The following GLRA1 variants were observed in gnomAD, a reference collection of about 807,000 sequenced individuals.
GLRA1 encodes the protein glycine receptor alpha 1, also known as glycine receptor subunit alpha-1.
In GLRA1, 37 loss-of-function variants were observed where a neutral mutation model predicts 48.3. That is an observed-to-expected ratio of 0.77 (90% CI 0.59 to 1.01). GLRA1 has a LOEUF of 1.01. GLRA1 is among the 50% of genes least tolerant of loss of function. The probability of loss-of-function intolerance (pLI) is 0.00; values close to 1 mark genes in which losing one functional copy is unlikely to be tolerated. For synonymous variants in GLRA1, 196 were observed against 210.7 expected, an observed-to-expected ratio of 0.93 and a Z score of 0.60; for missense variants, 427 against 571.0, an observed-to-expected ratio of 0.75 and a Z score of 2.57.
chr5:151,912,489 C>G (rs1754642028), intron 1 of GLRA1, among the ~76,000 whole-genome samples: 1 of 152,170 alleles, frequency 6.6e-6, no homozygotes, highest in Non-Finnish European at 1.5e-5. Context: ...TGTCAGAGAG[C>G]AAGGGAAAGG....
At chr5:151,853,091 A>G (rs886415936) in intron 6 of GLRA1, among the ~76,000 whole-genome samples, 1 of 152,170 alleles carries the variant, frequency 6.6e-6, no homozygotes, top group African/African-American at 2.4e-5. Context: ...AGGCTGAGGG[A>G]TGGGGGAAAT....
intron 3 of GLRA1, among the ~76,000 whole-genome samples, chr5:151,867,606 T>C (rs1753370728): frequency 6.6e-6 from 1 of 152,230 alleles, no homozygotes; most frequent in Non-Finnish European, 1.5e-5. Context: ...ATGCCATACA[T>C]GTCAGCTTAT....
At chr5:151,869,287 A>C (rs1187768480) in intron 3 of GLRA1, among the ~76,000 whole-genome samples, 1 of 151,708 alleles carries the variant, frequency 6.6e-6, no homozygotes, top group Non-Finnish European at 1.5e-5. Flanking sequence ...TATTGTTAGT[A>C]GAGACACGGT....
At chr5:151,914,222 A>G (rs557364648) in intron 1 of GLRA1, among the ~76,000 whole-genome samples, 1 of 152,332 alleles carries the variant, frequency 6.6e-6, no homozygotes, top group South Asian at 2.1e-4. Flanking sequence ...TCAGAGAGCT[A>G]TTGAAAACAG....
At chr5:151,847,685 C>CA (rs1752714171) in intron 7 of GLRA1, among the ~76,000 whole-genome samples, 1 of 150,972 alleles carries the variant, frequency 6.6e-6, no homozygotes, top group Non-Finnish European at 1.5e-5. Context: ...GAGATAGTGC[C>CA]ACTGCACTCC....
Position 151,822,848 on chromosome 5 carries a change from T to C in GLRA1, c.1175A>G (p.Asn392Ser), listed in dbSNP as rs1409982028. 1 of 1,613,230 alleles carries C rather than the reference T, an allele frequency of 6.2e-7. No individual in the cohort carries two copies. Among genetic ancestry groups the C allele is most frequent in the African/African-American group, 1.3e-5 (1 of 74,610 alleles). The change falls in exon 9 of 9, where the codon AAC becomes AGC. Residue 392 changes from asparagine (N) to serine (S), a missense_variant. Around this residue, in one of 4 missense-constraint regions of GLRA1, gnomAD observed 121 missense variants for 96.5 expected, o/e 1.25. Coordinates refer to ENST00000274576, the MANE Select transcript of GLRA1 (RefSeq NM_000171.4). ...VKGANNSNTT[N>S]PPPAPSKSPE... ...GGACTTAGATGGTGCAGGAGGGGGG[T>C]TGGTGGTGTTACTGTTGTTGGCGCC... is the stretch of plus-strand genomic sequence containing the variant.
intron 8 of GLRA1, among the ~76,000 whole-genome samples, chr5:151,823,501 G>A (rs1763194867): frequency 6.6e-6 from 1 of 152,160 alleles, no homozygotes; most frequent in Admixed American, 6.5e-5. Flanking sequence ...TAACTCCCAG[G>A]AGTGGGTGGT....
chr5:151,875,465 C>CATG (rs1328135477), intron 3 of GLRA1: 5 of 152,212 alleles, frequency 3.3e-5, no homozygotes, highest in African/African-American at 7.2e-5. Flanking sequence ...TGAACAACCA[C>CATG]ACCTGGCTAT....
rs187182231 is a variant in GLRA1 at position 151,844,419 on chromosome 5, C to T, written c.912+6971G>A. Among the ~76,000 whole-genome samples, 35 of 151,602 alleles carry T rather than the reference C, an allele frequency of 2.3e-4. 1 individual carries two copies. The East Asian group carries it at 4.3e-3, about 19-fold the overall frequency. On this transcript the variant is annotated intron_variant, in intron 7 of 8. Transcript: ENST00000274576. ...GGCAGATTGCTTGAGGTCAGAAGTTCGAGGCCAGGCTGGCCAACATGACAA... is the reference window on the plus strand; with the variant it reads ...GGCAGATTGCTTGAGGTCAGAAGTTTGAGGCCAGGCTGGCCAACATGACAA...
At chr5:151,916,509 A>G (rs1754746438) in intron 1 of GLRA1, among the ~76,000 whole-genome samples, 1 of 152,222 alleles carries the variant, frequency 6.6e-6, no homozygotes, top group Admixed American at 6.5e-5. Context: ...AGAAAGGCTG[A>G]CAGGTTAAAG....
intron 7 of GLRA1, among the ~76,000 whole-genome samples, chr5:151,839,644 G>T (rs905181250): frequency 6.6e-6 from 1 of 152,138 alleles, no homozygotes; most frequent in Non-Finnish European, 1.5e-5. Context: ...GATTAGGTTA[G>T]ACTTAGGGTT....
At chr5:151,894,860 A>G (rs917750758) in intron 1 of GLRA1, among the ~76,000 whole-genome samples, 7 of 152,238 alleles carry the variant, frequency 4.6e-5, no homozygotes, top group African/African-American at 1.7e-4. Context: ...ACTGAAAGCC[A>G]TCTGGTATTG....
At chr5:151,833,580 C>T (rs1763481248) in intron 7 of GLRA1, among the ~76,000 whole-genome samples, 1 of 152,158 alleles carries the variant, frequency 6.6e-6, no homozygotes, top group Non-Finnish European at 1.5e-5. Context: ...TCTCCTGCCT[C>T]AGCCTCCCGA....
chr5:151,865,313 T>G (rs1431969995), intron 3 of GLRA1, among the ~76,000 whole-genome samples: 1 of 151,820 alleles, frequency 6.6e-6, no homozygotes, highest in Non-Finnish European at 1.5e-5. Context: ...GACTTGGGGG[T>G]GGTGATCAGG....
intron 7 of GLRA1, among the ~76,000 whole-genome samples, chr5:151,839,445 C>G (rs6579906): frequency 0.38 from 57,337 of 152,028 alleles, 11,065 homozygotes; most frequent in South Asian, 0.46. Flanking sequence ...TGTTAATCAA[C>G]ATATAATGAA....
At chr5:151,848,865 C>T (rs528680182) in intron 7 of GLRA1, 20 of 608,666 alleles carry the variant, frequency 3.3e-5, no homozygotes, top group East Asian at 7.3e-5. Flanking sequence ...GCCTGCTCAG[C>T]GCCCAGAACA....
At position 151,837,200 on chromosome 5, in the gene GLRA1, CAT is replaced by C. The variant is rs547593622; in HGVS notation, c.913-8135_913-8134del. Among the ~76,000 whole-genome samples, 318 of 152,330 alleles carry C rather than the reference CAT, an allele frequency of 2.1e-3. 1 individual carries two copies. Among genetic ancestry groups the C allele is most frequent in the Admixed American group, 4.0e-3 (61 of 15,304 alleles). ...AGAAGACATTTATGCAGTCAACAAACATATGAAAACAAGCTCATCACCACTGG... is the reference window on the plus strand; with the variant it reads ...AGAAGACATTTATGCAGTCAACAAACATGAAAACAAGCTCATCACCACTGG... On this transcript the variant is annotated intron_variant, in intron 7 of 8. Transcript: ENST00000274576.
At chr5:151,906,728 T>A (rs1007617130) in intron 1 of GLRA1, among the ~76,000 whole-genome samples, 1 of 152,188 alleles carries the variant, frequency 6.6e-6, no homozygotes, top group African/African-American at 2.4e-5. Context: ...TGTGTATCTA[T>A]TGTACAGATG....
chr5:151,822,782 T>A lies in GLRA1; in HGVS notation c.1241A>T (p.Lys414Met), dbSNP rs775717500. 6.2e-6 allele frequency: 10 copies of A among 1,613,930 alleles called. No individual in the cohort carries two copies. The East Asian group carries it at 6.7e-5, about 11-fold the overall frequency. ...MRKLFIQRAK[K>M]IDKISRIGFP... ...GCCAATGCGGGATATTTTGTCGATC[T>A]TCTTGGCCCTCTGGATGAAGAGTTT... Residue 414 changes from lysine (K) to methionine (M), a missense_variant, in exon 9 of 9, where the codon AAG becomes ATG. Lys to Met is a moderately conservative substitution (Grantham distance 95). Around this residue, in one of 4 missense-constraint regions of GLRA1, gnomAD observed 121 missense variants for 96.5 expected, o/e 1.25. Coordinates refer to ENST00000274576, the MANE Select transcript of GLRA1 (RefSeq NM_000171.4).
Sources: allele counts gnomAD v4.1 joint callset (sites outside exome capture counted in the v4.1 genomes callset), GRCh38; gene constraint gnomAD v4.1.1; regional missense constraint gnomAD v4.1.1; transcripts MANE v1.5; gene names NCBI Gene and HGNC (gene_info 2026-07-23, HGNC 2026-07-21).